Variants in NIBAN1 observed in about 807,000 individuals in gnomAD.
The protein encoded by NIBAN1 is protein Niban 1.
NIBAN1 carries 81 observed loss-of-function variants against 75.1 expected under a neutral mutation model. The observed-to-expected ratio is 1.08, with a 90% CI of 0.90 to 1.30. NIBAN1 has a LOEUF of 1.30. Among genes scored for constraint, NIBAN1 ranks in the 50% most tolerant of loss-of-function variants. The pLI is 0.00. For missense variants in NIBAN1, 1,133 were observed against 1,128.1 expected, an observed-to-expected ratio of 1.00 and a Z score of -0.06; for synonymous variants, 436 against 424.8, an observed-to-expected ratio of 1.03 and a Z score of -0.32.
chr1:184,932,179 A>C (rs964942960), intron 1 of NIBAN1, among the ~76,000 whole-genome samples: 1 of 152,210 alleles, frequency 6.6e-6, no homozygotes, highest in African/African-American at 2.4e-5. Context: ...TCCATGGACC[A>C]GGGTTGGGGT....
chr1:184,883,694 T>C (rs1656436637), intron 5 of NIBAN1, among the ~76,000 whole-genome samples: 1 of 152,208 alleles, frequency 6.6e-6, no homozygotes, highest in African/African-American at 2.4e-5. Context: ...CTCGGCCGTG[T>C]GCTAGAAAAG....
chr1:184,820,379 A>G (rs559059980), intron 8 of NIBAN1, among the ~76,000 whole-genome samples: 21 of 152,314 alleles, frequency 1.4e-4, no homozygotes, highest in African/African-American at 5.1e-4. Flanking sequence ...CCTACTTACC[A>G]CAATGTGCTT....
intron 1 of NIBAN1, among the ~76,000 whole-genome samples, chr1:184,912,879 C>T (rs990132088): frequency 6.6e-6 from 1 of 152,132 alleles, no homozygotes; most frequent in African/African-American, 2.4e-5. Context: ...GCCAGCCCCA[C>T]ATGAATGTAG....
chr1:184,967,187 TTCTC>T (rs1571612587), intron 1 of NIBAN1, among the ~76,000 whole-genome samples: 1 of 148,780 alleles, frequency 6.7e-6, no homozygotes, highest in Admixed American at 6.8e-5. Flanking sequence ...TTAAATCTCT[TTCTC>T]TCTCTTTCCC....
At chr1:184,825,670 T>TCTGAG (rs1654824353) in intron 6 of NIBAN1, among the ~76,000 whole-genome samples, 1 of 152,240 alleles carries the variant, frequency 6.6e-6, no homozygotes, top group African/African-American at 2.4e-5. Context: ...ATTCTACACA[T>TCTGAG]CCACTCATGC....
At chr1:184,902,384 T>G (rs1656977186) in intron 1 of NIBAN1, among the ~76,000 whole-genome samples, 1 of 151,948 alleles carries the variant, frequency 6.6e-6, no homozygotes, top group African/African-American at 2.4e-5. Context: ...AAAACAAGAG[T>G]AGCAGCCTCA....
At chr1:184,817,120 C>T (rs966527918) in intron 9 of NIBAN1, among the ~76,000 whole-genome samples, 3 of 152,252 alleles carry the variant, frequency 2.0e-5, no homozygotes, top group Admixed American at 6.5e-5. Context: ...TGAGAACATG[C>T]AGTGTTTGGT....
At chr1:184,809,506 C>T (rs1253445825) in intron 9 of NIBAN1, among the ~76,000 whole-genome samples, 9 of 151,796 alleles carry the variant, frequency 5.9e-5, no homozygotes, top group Non-Finnish European at 1.3e-4. Context: ...TTTTGAAATG[C>T]AATGGAAACA....
At chr1:184,871,368 A>AAAAG (rs1553222990) in intron 5 of NIBAN1, among the ~76,000 whole-genome samples, 2,085 of 121,778 alleles carry the variant, frequency 0.017, 147 homozygotes, top group Non-Finnish European at 0.025. Flanking sequence ...AAAAAAAAAA[A>AAAAG]AAAAAGAGGA....
intron 3 of NIBAN1, among the ~76,000 whole-genome samples, chr1:184,890,658 G>C (rs772821501): frequency 6.6e-6 from 1 of 152,194 alleles, no homozygotes; most frequent in Non-Finnish European, 1.5e-5. Context: ...ATGAGACTGT[G>C]GAACACGTAG....
chr1:184,954,321 G>T (rs1280195683), intron 1 of NIBAN1, among the ~76,000 whole-genome samples: 1 of 152,148 alleles, frequency 6.6e-6, no homozygotes, highest in Non-Finnish European at 1.5e-5. Flanking sequence ...TGCTATCCAC[G>T]GTGCCACCTC....
chr1:184,859,819 G>A (rs777968102), intron 5 of NIBAN1, among the ~76,000 whole-genome samples: 53 of 152,174 alleles, frequency 3.5e-4, no homozygotes, highest in African/African-American at 1.2e-3. Flanking sequence ...GGAAGGGCTG[G>A]GTGGGGGTTT....
intron 9 of NIBAN1, among the ~76,000 whole-genome samples, chr1:184,815,711 G>T (rs1326067028): frequency 6.6e-6 from 1 of 152,180 alleles, no homozygotes; most frequent in Non-Finnish European, 1.5e-5. Context: ...GATAAAAAAT[G>T]AAGGCCCAGT....
intron 1 of NIBAN1, among the ~76,000 whole-genome samples, chr1:184,949,553 C>T (rs1008658084): frequency 2.6e-5 from 4 of 152,130 alleles, no homozygotes; most frequent in African/African-American, 7.2e-5. Context: ...ATATAACTTG[C>T]GCAAAGAGGA....
chr1:184,805,935 A>G lies in NIBAN1; in HGVS notation c.1446+11T>C, dbSNP rs1437324437. 6.2e-7 allele frequency: 1 copy of G among 1,606,198 alleles called. No individual in the cohort carries two copies. The highest frequency in any genetic ancestry group is 8.5e-7 in the Non-Finnish European group (1 of 1,172,840). On this transcript the variant is annotated intron_variant, in intron 11 of 13. Transcript: ENST00000367511. The stretch of plus-strand genomic sequence containing the variant: ...TTTTTATGCTTCCCACAAACAAGAG[A>G]ACGGTTTTACCTTTAAGACTCGGAG...
chr1:184,893,905 T>A (rs1656733051), intron 3 of NIBAN1, among the ~76,000 whole-genome samples, 170 bp downstream of exon 3: 1 of 152,210 alleles, frequency 6.6e-6, no homozygotes, highest in South Asian at 2.1e-4. Flanking sequence ...TTAGCTGAAA[T>A]AGATACCTAC....
intron 1 of NIBAN1, among the ~76,000 whole-genome samples, chr1:184,918,856 G>A (rs1425829814): frequency 6.6e-6 from 1 of 152,144 alleles, no homozygotes; most frequent in Non-Finnish European, 1.5e-5. Context: ...TCAGTAGCAG[G>A]CACAGAATTG....
At chr1:184,800,463 T>C (rs1340014652) in intron 12 of NIBAN1, among the ~76,000 whole-genome samples, 1 of 151,970 alleles carries the variant, frequency 6.6e-6, no homozygotes, top group Non-Finnish European at 1.5e-5. Context: ...TGAATGGTAA[T>C]GCCTAGGTTT....
intron 4 of NIBAN1, among the ~76,000 whole-genome samples, 156 bp from the exon 5 acceptor site, chr1:184,884,956 C>T (rs1484597411): frequency 6.6e-6 from 1 of 152,172 alleles, no homozygotes; most frequent in Non-Finnish European, 1.5e-5. Flanking sequence ...AGCACTGGCT[C>T]CTCTGGCATC....
Sources: gnomAD v4.1 joint callset for allele counts (sites outside exome capture counted in the v4.1 genomes callset) on GRCh38, gnomAD v4.1.1 for gene constraint, MANE v1.5 for transcripts, NCBI Gene and HGNC (gene_info 2026-07-23, HGNC 2026-07-21) for gene names.